PEX14: variants seen among roughly 807,000 people sequenced by gnomAD.
PEX14 encodes peroxisomal biogenesis factor 14, also known as peroxisomal membrane protein PEX14.
In PEX14, 15 loss-of-function variants were observed where a neutral mutation model predicts 49.5. The observed-to-expected ratio is 0.30, with a 90% CI of 0.20 to 0.47. The LOEUF (loss-of-function observed/expected upper bound fraction) is 0.47. PEX14 is among the 20% of genes least tolerant of loss of function. The pLI is 1.00. For synonymous variants in PEX14, 210 were observed against 212.7 expected, an observed-to-expected ratio of 0.99 and a Z score of 0.11; for missense variants, 398 against 494.8, an observed-to-expected ratio of 0.80 and a Z score of 1.86.
intron 1 of PEX14, among the ~76,000 whole-genome samples, chr1:10,491,868 AGACG>A (rs766524452): frequency 3.0e-4 from 46 of 151,798 alleles, no homozygotes; most frequent in Non-Finnish European, 6.0e-4. Flanking sequence ...TTTTTTGTAG[AGACG>A]GGGTTTCGCC....
At chr1:10,565,370 G>A (rs1165133535) in intron 3 of PEX14, among the ~76,000 whole-genome samples, 1 of 152,108 alleles carries the variant, frequency 6.6e-6, no homozygotes, top group Non-Finnish European at 1.5e-5. Flanking sequence ...TAGAAAATAA[G>A]TCTGTCTTCC....
In PEX14 at chr1:10,512,263, C is replaced by A. The variant is rs1358743200; in HGVS notation, c.84+16942C>A. ...GTGAGCCACCGTGCCTGGCCCAAGT[C>A]TAAATTTTTAAGGACTAGAGCTCTC... On this transcript the variant is annotated intron_variant, in intron 2 of 8. Coordinates refer to ENST00000356607, the MANE Select transcript of PEX14 (RefSeq NM_004565.3). This position sits in a 1 kb window ranked among gnomAD's most constrained non-coding sequence, Gnocchi z 4.6. Among the ~76,000 whole-genome samples, 1 of 152,158 alleles carries A rather than the reference C, an allele frequency of 6.6e-6. No individual in the cohort carries two copies. Among genetic ancestry groups the A allele is most frequent in the Non-Finnish European group, 1.5e-5 (1 of 68,042 alleles).
chr1:10,496,056 A>T (rs555970729), intron 2 of PEX14, among the ~76,000 whole-genome samples: 1 of 152,310 alleles, frequency 6.6e-6, no homozygotes, highest in East Asian at 1.9e-4. Context: ...CTGTACTGCC[A>T]AGGCTTTGTT....
chr1:10,615,724 A>G (rs1641395955), intron 4 of PEX14, among the ~76,000 whole-genome samples: 1 of 152,208 alleles, frequency 6.6e-6, no homozygotes, highest in South Asian at 2.1e-4. Context: ...GCAGTAGTAG[A>G]AAGTTGGAAA....
chr1:10,612,364 TC>T (rs1052287360), intron 4 of PEX14, among the ~76,000 whole-genome samples: 1 of 152,068 alleles, frequency 6.6e-6, no homozygotes, highest in Admixed American at 6.6e-5. Flanking sequence ...TATTTTTTAA[TC>T]TATGGACAGG....
At chr1:10,542,023 C>T (rs1472329318) in intron 3 of PEX14, among the ~76,000 whole-genome samples, 1 of 152,038 alleles carries the variant, frequency 6.6e-6, no homozygotes, top group Non-Finnish European at 1.5e-5. Context: ...AACTTGCGTG[C>T]CTGTAACAAT....
intron 7 of PEX14, among the ~76,000 whole-genome samples, chr1:10,626,343 G>A (rs925585765): frequency 6.6e-6 from 1 of 152,168 alleles, no homozygotes; most frequent in Non-Finnish European, 1.5e-5. Flanking sequence ...CTGTCTGGCG[G>A]TCTGGAGTAG....
chr1:10,582,635 ACT>A (rs1464906225), intron 3 of PEX14, among the ~76,000 whole-genome samples: 1 of 151,992 alleles, frequency 6.6e-6, no homozygotes, highest in Admixed American at 6.6e-5. Context: ...CTGATGCCTG[ACT>A]CTCTCCAGAG....
Position 10,495,780 on chromosome 1 carries a change from G to A in PEX14, c.84+459G>A, listed in dbSNP as rs1424351582. ...TAATTGTGTGATTGTCATTCCCAAC[G>A]CTGTCTTCTTAGACTATGGATAGGG... On this transcript the variant is annotated intron_variant, in intron 2 of 8. Transcript: ENST00000356607. This position sits in a 1 kb window ranked among gnomAD's most constrained non-coding sequence, Gnocchi z 4.2. Among the ~76,000 whole-genome samples, 1 of 152,206 alleles carries A rather than the reference G, an allele frequency of 6.6e-6. No homozygotes were observed. The highest frequency in any genetic ancestry group is 1.5e-5 in the Non-Finnish European group (1 of 68,032).
chr1:10,579,145 A>C (rs962689522), intron 3 of PEX14, among the ~76,000 whole-genome samples: 1 of 152,182 alleles, frequency 6.6e-6, no homozygotes, highest in Non-Finnish European at 1.5e-5. Flanking sequence ...TATCACAGTG[A>C]AACTGCTAAT....
At chr1:10,477,389 A>G (rs1021025293) in intron 1 of PEX14, among the ~76,000 whole-genome samples, 2 of 152,172 alleles carry the variant, frequency 1.3e-5, no homozygotes, top group Admixed American at 6.5e-5. Flanking sequence ...ACTTTTCATA[A>G]CAGACTCTAT....
At chr1:10,551,490 G>A (rs906535511) in intron 3 of PEX14, among the ~76,000 whole-genome samples, 4 of 152,162 alleles carry the variant, frequency 2.6e-5, no homozygotes, top group South Asian at 2.1e-4. Flanking sequence ...CAGCAGCACG[G>A]ATTCGGCTTG....
intron 2 of PEX14, among the ~76,000 whole-genome samples, chr1:10,502,707 AT>A (rs1304049101): frequency 6.6e-6 from 1 of 151,398 alleles, no homozygotes. Context: ...CAGTGTCCTT[AT>A]TTCGAGGATA....
intron 3 of PEX14, among the ~76,000 whole-genome samples, chr1:10,552,392 A>G (rs1039445226): frequency 6.6e-6 from 1 of 152,208 alleles, no homozygotes; most frequent in African/African-American, 2.4e-5. Flanking sequence ...CAGTGATCTG[A>G]GATCACGCCA....
intron 7 of PEX14, among the ~76,000 whole-genome samples, chr1:10,625,216 G>C (rs1333688868): frequency 6.6e-6 from 1 of 152,176 alleles, no homozygotes; most frequent in Non-Finnish European, 1.5e-5. Context: ...CTGTGGGTGG[G>C]TAACAGAGGT....
At chr1:10,547,455 C>T (rs1639209640) in intron 3 of PEX14, among the ~76,000 whole-genome samples, 2 of 152,266 alleles carry the variant, frequency 1.3e-5, no homozygotes, top group Admixed American at 6.5e-5. Context: ...ATTATGGGTG[C>T]GTTAGTCCCC....
chr1:10,577,857 T>G (rs886284928), intron 3 of PEX14, among the ~76,000 whole-genome samples: 6 of 151,324 alleles, frequency 4.0e-5, no homozygotes, highest in African/African-American at 1.5e-4. Flanking sequence ...ATACCCAGCC[T>G]GGACACAGTA....
chr1:10,612,884 A>G (rs1268163747), intron 4 of PEX14, among the ~76,000 whole-genome samples: 1 of 152,222 alleles, frequency 6.6e-6, no homozygotes, highest in Non-Finnish European at 1.5e-5. Flanking sequence ...GTATAGAGAC[A>G]TGGCTCCAAC....
rs549106089 is a variant in PEX14, at chr1:10,606,800, C to T, written c.298+7434C>T. The stretch of plus-strand genomic sequence containing the variant: ...AGCCTACACCACTGGGTAGTGTTCC[C>T]AAGCACTCCTGACTTCCTGTAGCTC... On this transcript the variant is annotated intron_variant, in intron 4 of 8. Transcript: ENST00000356607. 3.9e-5 allele frequency among the ~76,000 whole-genome samples: 6 copies of T among 152,290 alleles called. No homozygotes were observed. The South Asian group carries it at 1.2e-3, about 32-fold the overall frequency.
Sources: allele counts gnomAD v4.1 joint callset (sites outside exome capture counted in the v4.1 genomes callset), GRCh38; gene constraint gnomAD v4.1.1; non-coding constraint Gnocchi (gnomAD v3.1); transcripts MANE v1.5; gene names NCBI Gene and HGNC (gene_info 2026-07-23, HGNC 2026-07-21).